Variants in SERINC3 observed in about 807,000 individuals in gnomAD.
The protein encoded by SERINC3 is serine incorporator 3, also known as tumor differentially expressed protein 1.
A neutral mutation model predicts 52.1 loss-of-function variants in SERINC3; 22 were observed. That is an observed-to-expected ratio of 0.42 (90% CI 0.30 to 0.60). The LOEUF (loss-of-function observed/expected upper bound fraction) is 0.60, where lower values mean the gene tolerates loss of function less well. Ranked by LOEUF, SERINC3 falls within the 20% of genes least tolerant of loss-of-function variation. The probability of loss-of-function intolerance (pLI) is 0.16; values close to 1 mark genes in which losing one functional copy is unlikely to be tolerated. For synonymous variants in SERINC3, 226 were observed against 212.7 expected, an observed-to-expected ratio of 1.06 and a Z score of -0.54; for missense variants, 564 against 584.6, an observed-to-expected ratio of 0.96 and a Z score of 0.36.
intron 7 of SERINC3, 50 bp from the exon 8 acceptor site, chr20:44,504,045 C>T: frequency 6.8e-7 from 1 of 1,474,158 alleles, no homozygotes; most frequent in East Asian, 2.5e-5. Flanking sequence ...CATCTTGTTC[C>T]AAGAAAGAAC....
rs190113343 is a variant in SERINC3 at position 44,518,005 on chromosome 20, T to C, written c.39+3908A>G. On this transcript the variant is annotated intron_variant, in intron 1 of 9. Transcript: ENST00000342374. ...AATGCCTTCCCTTTTCCCAAAATCC[T>C]CATCCAATCTGTCAGTACATCAGCT... is the stretch of plus-strand genomic sequence containing the variant. Among the ~76,000 whole-genome samples, 10 of 152,292 alleles carry C rather than the reference T, an allele frequency of 6.6e-5. 1 individual carries two copies. Among genetic ancestry groups the C allele is most frequent in the Admixed American group, 6.5e-4 (10 of 15,296 alleles).
At chr20:44,502,396 G>A (rs1192369896) in intron 8 of SERINC3, among the ~76,000 whole-genome samples, 1 of 152,084 alleles carries the variant, frequency 6.6e-6, no homozygotes, top group Non-Finnish European at 1.5e-5. Flanking sequence ...AGACTGGCCA[G>A]TGCAACACAG....
chr20:44,509,045 T>C (rs933477079), intron 5 of SERINC3, among the ~76,000 whole-genome samples: 1 of 152,264 alleles, frequency 6.6e-6, no homozygotes, highest in African/African-American at 2.4e-5. Flanking sequence ...CTTTGACTCT[T>C]CTATTTCTGG....
At chr20:44,511,087 T>G (rs1600814973) in intron 4 of SERINC3, among the ~76,000 whole-genome samples, 1 of 152,006 alleles carries the variant, frequency 6.6e-6, no homozygotes, top group Non-Finnish European at 1.5e-5. Flanking sequence ...CTAATTTTTG[T>G]ATTTTTAGTA....
At position 44,497,608 on chromosome 20, in the gene SERINC3, A is replaced by C. The variant is rs1176965950; in HGVS notation, c.*2688T>G. On this transcript the variant is annotated 3_prime_UTR_variant, in exon 10 of 10. Transcript: ENST00000342374. ...TGACTCCGCTACTGTAAAGAAAAGC[A>C]GGGTATCTGCTTCACACTGGCAAAA... is the stretch of plus-strand genomic sequence containing the variant. The C allele has an allele frequency of 1.3e-5, 2 of 152,396 alleles. No individual in the cohort carries two copies. Among genetic ancestry groups the C allele is most frequent in the East Asian group, 3.8e-4 (2 of 5,204 alleles). 9.4% of individuals were successfully genotyped at this position (152,396 alleles called of 1,614,324 possible).
In SERINC3 at chr20:44,498,254, A is replaced by G. The variant is rs1054146597; in HGVS notation, c.*2042T>C. On this transcript the variant is annotated 3_prime_UTR_variant, in exon 10 of 10. Transcript: ENST00000342374. ...TCACTCAGAAATCTACCTCTCCTTCATATTATTCATAACTGCCAGTGTTAA... is the reference window on the plus strand; with the variant it reads ...TCACTCAGAAATCTACCTCTCCTTCGTATTATTCATAACTGCCAGTGTTAA... 1.1e-4 allele frequency: 17 copies of G among 152,256 alleles called. No homozygotes were observed. Among genetic ancestry groups the G allele is most frequent in the African/African-American group, 3.4e-4 (14 of 41,530 alleles). The allele number at this position is 152,256 out of a possible 1,614,324, so 9.4% of individuals were successfully genotyped here.
rs2064276383 is a variant in SERINC3, at chr20:44,501,058, G to A, written c.1283+15C>T. 6.3e-7 allele frequency: 1 copy of A among 1,588,828 alleles called. No individual in the cohort carries two copies. Among genetic ancestry groups the A allele is most frequent in the Non-Finnish European group, 8.6e-7 (1 of 1,157,062 alleles). ...GGTTTTATGGTCTTCTGTCTGTTTTGTCTGTGTCTCCTACCTGTACCAGCT... is the reference window on the plus strand; with the variant it reads ...GGTTTTATGGTCTTCTGTCTGTTTTATCTGTGTCTCCTACCTGTACCAGCT... On this transcript the variant is annotated intron_variant, in intron 9 of 9. Transcript: ENST00000342374.
At chr20:44,510,825 A>T (rs2064342713) in intron 4 of SERINC3, among the ~76,000 whole-genome samples, 1 of 152,194 alleles carries the variant, frequency 6.6e-6, no homozygotes, top group Non-Finnish European at 1.5e-5. Context: ...ATATATATAT[A>T]TAGTGAGTTG....
At chr20:44,517,170 T>C (rs1487584736) in intron 1 of SERINC3, among the ~76,000 whole-genome samples, 1 of 152,192 alleles carries the variant, frequency 6.6e-6, no homozygotes, top group Non-Finnish European at 1.5e-5. Flanking sequence ...AAGAATGAGA[T>C]GATGTCAGGA....
chr20:44,520,320 G>A lies in SERINC3; in HGVS notation c.39+1593C>T, dbSNP rs992865495. 2.1e-4 allele frequency among the ~76,000 whole-genome samples: 32 copies of A among 152,120 alleles called. 1 individual carries two copies. Among genetic ancestry groups the A allele is most frequent in the African/African-American group, 7.5e-4 (31 of 41,412 alleles). On this transcript the variant is annotated intron_variant, in intron 1 of 9. Transcript: ENST00000342374. ...GGAGGTTGAAGAGAGCCGAGATGGC[G>A]CCACTGCCCCAGACAGAGCATGGAA...
At chr20:44,515,026 A>G (rs12106203) in intron 1 of SERINC3, among the ~76,000 whole-genome samples, 1,798 of 152,306 alleles carry the variant, frequency 0.012, 44 homozygotes, top group African/African-American at 0.042. Flanking sequence ...CCCACTGTCC[A>G]TTAATTGATA....
At chr20:44,501,613 T>C (rs2064280617) in intron 8 of SERINC3, among the ~76,000 whole-genome samples, 1 of 152,192 alleles carries the variant, frequency 6.6e-6, no homozygotes, top group Non-Finnish European at 1.5e-5. Context: ...CCAACCTCCT[T>C]CCAACTAACT....
rs1223854468 is a variant in SERINC3, at chr20:44,499,033, C to G, written c.*1263G>C. On this transcript the variant is annotated 3_prime_UTR_variant, in exon 10 of 10. Coordinates refer to ENST00000342374, the MANE Select transcript of SERINC3 (RefSeq NM_006811.4). ...GCCTACCATTACACCAAATACCTCT[C>G]CTTTGAGTTCTCTCCAATTCCTAAA... 6.6e-6 allele frequency: 1 copy of G among 152,198 alleles called. No homozygotes were observed. Among genetic ancestry groups the G allele is most frequent in the Non-Finnish European group, 1.5e-5 (1 of 68,044 alleles). 9.4% of individuals were successfully genotyped at this position (152,198 alleles called of 1,614,324 possible).
chr20:44,504,007 A>T lies in SERINC3; in HGVS notation c.875-12T>A. On this transcript the variant is annotated splice_polypyrimidine_tract_variant and intron_variant, in intron 7 of 9. Transcript: ENST00000342374. ...ATTGCAGGAACGATCTGAAAATGAGAAAATTTGTATTATCCTTGGTTACAG... is the reference window on the plus strand; with the variant it reads ...ATTGCAGGAACGATCTGAAAATGAGTAAATTTGTATTATCCTTGGTTACAG... 7 of 1,572,582 alleles carry T rather than the reference A, an allele frequency of 4.5e-6. No homozygotes were observed. Among genetic ancestry groups the T allele is most frequent in the Non-Finnish European group, 5.1e-6 (6 of 1,167,548 alleles).
chr20:44,500,529 A>T, intron 9 of SERINC3, 95 bp from the exon 10 acceptor site: 1 of 1,440,032 alleles, frequency 6.9e-7, no homozygotes, highest in Middle Eastern at 2.3e-4. Flanking sequence ...GAAATTCTCC[A>T]GTGAAACTTG....
chr20:44,516,244 G>A (rs577339971), intron 1 of SERINC3, among the ~76,000 whole-genome samples: 68 of 152,144 alleles, frequency 4.5e-4, no homozygotes, highest in African/African-American at 1.6e-3. Context: ...CAAGGTTGCA[G>A]TGAGCCAAGA....
chr20:44,513,629 G>C (rs990096855), intron 2 of SERINC3, among the ~76,000 whole-genome samples: 1 of 152,088 alleles, frequency 6.6e-6, no homozygotes, highest in Non-Finnish European at 1.5e-5. Flanking sequence ...AACACATAAG[G>C]AAAGAAAATG....
intron 8 of SERINC3, 99 bp downstream of exon 8, chr20:44,503,716 G>A: frequency 1.0e-6 from 1 of 953,950 alleles, no homozygotes; most frequent in Non-Finnish European, 1.5e-6. Flanking sequence ...AGAGAGTGAA[G>A]TTTTTAAATT....
rs1220130430 is a variant in SERINC3, at chr20:44,504,121, C to G, written c.875-126G>C. ...CATGGGAATGCTTTACTTAAAAAAT[C>G]TGAAACTTAGCAGTCAGTAGTAACA... On this transcript the variant is annotated intron_variant, in intron 7 of 9. Transcript: ENST00000342374. 4.2e-5 allele frequency: 30 copies of G among 712,824 alleles called. 1 individual carries two copies. In the East Asian group the frequency reaches 9.6e-4, roughly 23 times the overall value. The allele number at this position is 712,824 out of a possible 1,614,324, so 44.2% of individuals were successfully genotyped here.
Sources: allele counts gnomAD v4.1 joint callset (sites outside exome capture counted in the v4.1 genomes callset), GRCh38; gene constraint gnomAD v4.1.1; transcripts MANE v1.5; gene names NCBI Gene and HGNC (gene_info 2026-07-23, HGNC 2026-07-21).